TAMM41: variants seen among roughly 807,000 people sequenced by gnomAD.
TAMM41 encodes phosphatidate cytidylyltransferase, mitochondrial.
In TAMM41, 36 loss-of-function variants were observed where a neutral mutation model predicts 44.1. That is an observed-to-expected ratio of 0.82 (90% CI 0.63 to 1.08). The LOEUF (loss-of-function observed/expected upper bound fraction) is 1.08. TAMM41 is among the 50% of genes least tolerant of loss of function. The pLI is 0.00. For missense variants in TAMM41, 417 were observed against 404.3 expected, an observed-to-expected ratio of 1.03 and a Z score of -0.27; for synonymous variants, 164 against 153.1, an observed-to-expected ratio of 1.07 and a Z score of -0.53.
At chr3:11,780,390 C>A in the TAMM41 span, among the ~76,000 whole-genome samples, 1 of 152,158 alleles carries the variant, frequency 6.6e-6, no homozygotes, top group Non-Finnish European at 1.5e-5. Flanking sequence ...TCTGGCTAAC[C>A]CCTACTTGTT....
chr3:11,767,626 A>ATTTTTTTTT, the TAMM41 span, among the ~76,000 whole-genome samples: 130 of 60,696 alleles, frequency 2.1e-3, 30 homozygotes, highest in African/African-American at 8.0e-3. Context: ...CACGTTGTGC[A>ATTTTTTTTT]TTTTTTTTTT....
chr3:11,727,140 G>T, the TAMM41 span, among the ~76,000 whole-genome samples: 2 of 152,176 alleles, frequency 1.3e-5, no homozygotes, highest in African/African-American at 4.8e-5. Flanking sequence ...CTATTGTAAG[G>T]TAGGAACTGT....
chr3:11,795,054 A>T (rs2077572237), intron 7 of TAMM41, among the ~76,000 whole-genome samples: 1 of 152,222 alleles, frequency 6.6e-6, no homozygotes, highest in African/African-American at 2.4e-5. Context: ...GAAATGCTTC[A>T]GTTTTAAGAA....
intron 4 of TAMM41, among the ~76,000 whole-genome samples, chr3:11,817,842 T>C (rs2078343538): frequency 6.6e-6 from 1 of 152,212 alleles, no homozygotes; most frequent in African/African-American, 2.4e-5. Flanking sequence ...AAAAGTTCTG[T>C]AAGAGGAGGT....
At chr3:11,778,129 C>T in the TAMM41 span, among the ~76,000 whole-genome samples, 3 of 152,194 alleles carry the variant, frequency 2.0e-5, no homozygotes, top group South Asian at 6.2e-4. Flanking sequence ...TGTCGGTTAA[C>T]AGTCCACTGT....
chr3:11,744,566 G>A, the TAMM41 span, among the ~76,000 whole-genome samples: 12 of 151,764 alleles, frequency 7.9e-5, no homozygotes, highest in African/African-American at 1.7e-4. Flanking sequence ...ATGGTGGCAC[G>A]CACCTGTAAC....
the TAMM41 span, among the ~76,000 whole-genome samples, chr3:11,723,789 C>T: frequency 0.16 from 23,776 of 152,044 alleles, 1,935 homozygotes; most frequent in East Asian, 0.27. Context: ...AAGTAGCTAA[C>T]AAATAAAGGT....
chr3:11,756,660 G>A, the TAMM41 span, among the ~76,000 whole-genome samples: 2 of 152,250 alleles, frequency 1.3e-5, no homozygotes, highest in South Asian at 4.1e-4. Flanking sequence ...GAGGTAGGGA[G>A]TTCGAGACCA....
downstream of TAMM41, among the ~76,000 whole-genome samples, chr3:11,786,284 A>AATTT (rs1491119364): frequency 1.4e-5 from 1 of 70,952 alleles, no homozygotes; most frequent in East Asian, 3.9e-4. Context: ...TATTTATTTA[A>AATTT]TTTTATTATT....
chr3:11,735,821 A>G, the TAMM41 span, among the ~76,000 whole-genome samples: 1 of 152,068 alleles, frequency 6.6e-6, no homozygotes, highest in East Asian at 1.9e-4. Context: ...TGAGGGAAGA[A>G]TGTGATGTGC....
At chr3:11,770,040 G>A in the TAMM41 span, among the ~76,000 whole-genome samples, 3 of 152,322 alleles carry the variant, frequency 2.0e-5, no homozygotes, top group East Asian at 3.9e-4. Flanking sequence ...TTTGGTCTGC[G>A]ATGTAAGAAA....
Position 11,802,966 on chromosome 3 carries a change from T to C in TAMM41, c.937+4867A>G, listed in dbSNP as rs374253237. On this transcript the variant is annotated intron_variant, in intron 7 of 7. Transcript: ENST00000455809. Reference sequence around the variant, plus strand: ...GACAAAAACCACATGATTGTCTAAATAGATGCAGAAAAAGCATTCAATAGC... The same window carrying C: ...GACAAAAACCACATGATTGTCTAAACAGATGCAGAAAAAGCATTCAATAGC... Among the ~76,000 whole-genome samples, 20 of 152,294 alleles carry C rather than the reference T, an allele frequency of 1.3e-4. No homozygotes were observed. In the East Asian group the frequency reaches 2.3e-3, roughly 18 times the overall value.
chr3:11,729,045 C>T, the TAMM41 span, among the ~76,000 whole-genome samples: 3 of 151,006 alleles, frequency 2.0e-5, no homozygotes, highest in Admixed American at 6.6e-5. Context: ...GCCAGGGAGT[C>T]GGTGATGTGT....
chr3:11,753,162 A>T, the TAMM41 span, among the ~76,000 whole-genome samples: 2 of 152,056 alleles, frequency 1.3e-5, no homozygotes, highest in Non-Finnish European at 1.5e-5. Flanking sequence ...GCAGTGGCTC[A>T]TACCTGCAAT....
At position 11,842,497 on chromosome 3, in the gene TAMM41, C is replaced by T. The variant is rs1012544845; in HGVS notation, c.318+1532G>A. Among the ~76,000 whole-genome samples, 9 of 151,714 alleles carry T rather than the reference C, an allele frequency of 5.9e-5. No homozygotes were observed. The East Asian group carries it at 1.5e-3, about 26-fold the overall frequency. On this transcript the variant is annotated intron_variant, in intron 2 of 7. Transcript: ENST00000455809. ...CTGTTTGGGGTCAGGAGTTCAAGAC[C>T]AGCCTGGGCAACATGGCAAAACCCT... is the stretch of plus-strand genomic sequence containing the variant.
At chr3:11,821,706 T>C (rs1437859585) in intron 4 of TAMM41, among the ~76,000 whole-genome samples, 1 of 152,182 alleles carries the variant, frequency 6.6e-6, no homozygotes, top group African/African-American at 2.4e-5. Flanking sequence ...CGCTGGGTCT[T>C]GGAGATAATA....
rs139321356 is a variant in TAMM41 at position 11,829,769 on chromosome 3, G to A, written c.507C>T (p.Pro169=). The change falls in exon 4 of 8, where the codon CCC becomes CCT. Residue 169 remains proline, a synonymous_variant. Coordinates refer to ENST00000455809, the MANE Select transcript of TAMM41 (RefSeq NM_001284401.2). Reference sequence around the variant, plus strand: ...AGAGGTCTTCTTCAGAAAAGCTTTCGGGGAGCATGAGGAAAGCAGCGGTCA... The same window carrying A: ...AGAGGTCTTCTTCAGAAAAGCTTTCAGGGAGCATGAGGAAAGCAGCGGTCA... The part of the protein sequence containing the change: ...SAVTAAFLML[P]ESFSEEDLFI... 6.3e-5 allele frequency: 102 copies of A among 1,614,150 alleles called. No individual in the cohort carries two copies. In the African/African-American group the frequency reaches 8.4e-4, roughly 13 times the overall value.
At chr3:11,768,882 A>G in the TAMM41 span, among the ~76,000 whole-genome samples, 1 of 152,186 alleles carries the variant, frequency 6.6e-6, no homozygotes, top group Non-Finnish European at 1.5e-5. Flanking sequence ...TCTGCTAGGC[A>G]CCTAGAAGGG....
chr3:11,795,788 GC>G (rs2077590714), intron 7 of TAMM41, among the ~76,000 whole-genome samples: 1 of 152,170 alleles, frequency 6.6e-6, no homozygotes, highest in South Asian at 2.1e-4. Flanking sequence ...ATAAAAGGCT[GC>G]TGCTCGAATA....
Sources: gnomAD v4.1 joint callset for allele counts (sites outside exome capture counted in the v4.1 genomes callset) on GRCh38, gnomAD v4.1.1 for gene constraint, MANE v1.5 for transcripts, NCBI Gene and HGNC (gene_info 2026-07-23, HGNC 2026-07-21) for gene names.